Variants in GREM1 observed in about 807,000 individuals in gnomAD.
GREM1 encodes the protein gremlin 1, DAN family BMP antagonist, also known as gremlin-1.
Under a neutral mutation model 13.1 loss-of-function variants are expected in GREM1, and 6 were observed. The observed-to-expected ratio is 0.46, with a 90% CI of 0.25 to 0.91. The LOEUF is 0.91. Ranked by LOEUF, GREM1 falls within the 40% of genes least tolerant of loss-of-function variation. GREM1 has a pLI of 0.18. For synonymous variants in GREM1, 98 were observed against 93.7 expected, an observed-to-expected ratio of 1.05 and a Z score of -0.27; for missense variants, 185 against 233.9, an observed-to-expected ratio of 0.79 and a Z score of 1.36.
At chr15:32,718,802 G>A in intron 1 of GREM1, 1 of 287,852 alleles carries the variant, frequency 3.5e-6, no homozygotes, top group African/African-American at 2.2e-5. Flanking sequence ...CGCGGCCCTG[G>A]CCGCGGGGTC....
chr15:32,730,083 A>G (rs1301255279), intron 1 of GREM1, among the ~76,000 whole-genome samples: 1 of 152,224 alleles, frequency 6.6e-6, no homozygotes, highest in Non-Finnish European at 1.5e-5. Context: ...TTACTGAGAG[A>G]CAAAGTGACA....
In GREM1 at chr15:32,731,368, G is replaced by C. The variant is rs775560885; in HGVS notation, c.*123G>C. On this transcript the variant is annotated 3_prime_UTR_variant, in exon 2 of 2. Transcript: ENST00000651154. ...CAGAAGAACCCCCAGCTGCCTCCTGGCAGGAGCCTGCTTGTGCGTAGTTCG... is the reference window on the plus strand; with the variant it reads ...CAGAAGAACCCCCAGCTGCCTCCTGCCAGGAGCCTGCTTGTGCGTAGTTCG... 1.1e-5 allele frequency: 8 copies of C among 717,602 alleles called. No individual in the cohort carries two copies. Among genetic ancestry groups the C allele is most frequent in the African/African-American group, 1.8e-5 (1 of 55,868 alleles). The allele number at this position is 717,602 out of a possible 1,614,324, so 44.5% of individuals were successfully genotyped here. A position where few individuals can be genotyped will look rare whatever the true frequency, so the allele number is the denominator to read the frequency against.
In GREM1 at chr15:32,732,973, T is replaced by C. The variant is rs1418428036; in HGVS notation, c.*1728T>C. ...TCAGTTGCCGATCAAGGCTCTGGCA[T>C]TCAGAGAACCCTTGCAACTCGAGAA... is the stretch of plus-strand genomic sequence containing the variant. On this transcript the variant is annotated 3_prime_UTR_variant, in exon 2 of 2. Coordinates refer to ENST00000651154, the MANE Select transcript of GREM1 (RefSeq NM_013372.7). 4.5e-6 allele frequency: 1 copy of C among 224,488 alleles called. No homozygotes were observed. Among genetic ancestry groups the C allele is most frequent in the Non-Finnish European group, 9.7e-6 (1 of 103,256 alleles). 13.9% of individuals were successfully genotyped at this position (224,488 alleles called of 1,614,324 possible).
chr15:32,723,972 G>A (rs1453476049), intron 1 of GREM1, among the ~76,000 whole-genome samples: 1 of 152,184 alleles, frequency 6.6e-6, no homozygotes, highest in East Asian at 1.9e-4. Context: ...TCTGCTCATG[G>A]GCACTGGTGA....
chr15:32,725,480 GTTGT>G (rs1445173100), intron 1 of GREM1, among the ~76,000 whole-genome samples: 1 of 152,170 alleles, frequency 6.6e-6, no homozygotes, highest in African/African-American at 2.4e-5. Flanking sequence ...TTTTGATGGG[GTTGT>G]TTGCTTTTTT....
chr15:32,718,501 G>C, intron 1 of GREM1: 1 of 460,818 alleles, frequency 2.2e-6, no homozygotes, highest in Non-Finnish European at 4.4e-6. Context: ...CCCGCTTAGC[G>C]AGGGCGCGAA....
intron 1 of GREM1, among the ~76,000 whole-genome samples, chr15:32,730,026 G>A (rs745826847): frequency 3.3e-5 from 5 of 152,206 alleles, no homozygotes; most frequent in South Asian, 2.1e-4. Context: ...TCTGAACAGC[G>A]TACCTGGGGA....
rs778476342 is a variant in GREM1, at chr15:32,727,205, A to G, written c.-1-3485A>G. Among the ~76,000 whole-genome samples, 5 of 71,532 alleles carry G rather than the reference A, an allele frequency of 7.0e-5. No individual in the cohort carries two copies. The East Asian group carries it at 9.9e-4, about 14-fold the overall frequency. The allele number at this position is 71,532 out of a possible 152,430, so 46.9% of individuals were successfully genotyped here. ...CCAAAACCTGGCAGAGACACAACAT[A>G]AAAAAGGAAATTCAGGCCAATATCC... On this transcript the variant is annotated intron_variant, in intron 1 of 1. Transcript: ENST00000651154.
chr15:32,731,125 G>A lies in GREM1; in HGVS notation c.435G>A (p.Lys145=), dbSNP rs763654384. Reference sequence around the variant, plus strand: ...CCTTTCAGTCCTGCTCCTTCTGCAAGCCCAAGAAATTCACTACCATGATGG... The same window carrying A: ...CCTTTCAGTCCTGCTCCTTCTGCAAACCCAAGAAATTCACTACCATGATGG... The part of the protein sequence containing the change: ...EGSFQSCSFC[K]PKKFTTMMVT... The change falls in exon 2 of 2, where the codon AAG becomes AAA. Residue 145 remains lysine, a synonymous_variant. Coordinates refer to ENST00000651154, the MANE Select transcript of GREM1 (RefSeq NM_013372.7). 4 of 1,614,124 alleles carry A rather than the reference G, an allele frequency of 2.5e-6. No homozygotes were observed. In the Admixed American group the frequency reaches 5.0e-5, roughly 20 times the overall value.
intron 1 of GREM1, among the ~76,000 whole-genome samples, chr15:32,725,999 T>A (rs2055496188): frequency 6.6e-6 from 1 of 152,192 alleles, no homozygotes; most frequent in Admixed American, 6.5e-5. Context: ...GGTCTGTATA[T>A]CTGCTTTGAT....
intron 1 of GREM1, among the ~76,000 whole-genome samples, chr15:32,727,123 A>T (rs915712532): frequency 5.9e-5 from 9 of 152,222 alleles, no homozygotes; most frequent in Admixed American, 2.0e-4. Flanking sequence ...ATTCCAAACA[A>T]TAGAAAAAGA....
chr15:32,738,125 A>AAAAAAAAAAAAAAAACAAACAAACAAAC lies in GREM1; in HGVS notation c.*6888_*6889insAAAAAAACAAACAAACAAACAAAAAAAA. ...AAAAAAAAAAAAAAAAAAAAAAAAA[A>AAAAAAAAAAAAAAAACAAACAAACAAAC]AAAAAAAAGAAAAGAAAAAAGTCAT... On this transcript the variant is annotated 3_prime_UTR_variant, in exon 2 of 2. Transcript: ENST00000651154. 3.6e-5 allele frequency: 1 copy of AAAAAAAAAAAAAAAACAAACAAACAAAC among 27,986 alleles called. No individual in the cohort carries two copies. The highest frequency in any genetic ancestry group is 1.5e-4 in the African/African-American group (1 of 6,600). The allele number at this position is 27,986 out of a possible 1,614,324, so 1.7% of individuals were successfully genotyped here.
In GREM1 at chr15:32,737,166, T is replaced by A. The variant is rs1445712566; in HGVS notation, c.*5921T>A. The A allele has an allele frequency of 6.6e-6, 1 of 152,212 alleles. No homozygotes were observed. Among genetic ancestry groups the A allele is most frequent in the Non-Finnish European group, 1.5e-5 (1 of 68,046 alleles). The allele number at this position is 152,212 out of a possible 1,614,324, so 9.4% of individuals were successfully genotyped here. ...CCAGAAAGAAAAGCCCAATTTAGGATGTCTTAACTGATTAATGTTAGCAAA... is the reference window on the plus strand; with the variant it reads ...CCAGAAAGAAAAGCCCAATTTAGGAAGTCTTAACTGATTAATGTTAGCAAA... On this transcript the variant is annotated 3_prime_UTR_variant, in exon 2 of 2. Coordinates refer to ENST00000651154, the MANE Select transcript of GREM1 (RefSeq NM_013372.7).
Position 32,740,302 on chromosome 15 carries a change from C to T in GREM1, c.*9057C>T, listed in dbSNP as rs370456057. On this transcript the variant is annotated 3_prime_UTR_variant, in exon 2 of 2. Transcript: ENST00000651154. ...TAATGAAATAAACTTATGTGATTTA[C>T]CTGACAGAGAATTCAGAATAGCTCT... 3.3e-5 allele frequency: 5 copies of T among 152,262 alleles called. No homozygotes were observed. The highest frequency in any genetic ancestry group is 4.2e-4 in the South Asian group (2 of 4,818). 9.4% of individuals were successfully genotyped at this position (152,262 alleles called of 1,614,324 possible). A position where few individuals can be genotyped will look rare whatever the true frequency, so the allele number is the denominator to read the frequency against.
rs1472686285 is a variant in GREM1 at position 32,734,502 on chromosome 15, T to C, written c.*3257T>C. On this transcript the variant is annotated 3_prime_UTR_variant, in exon 2 of 2. Transcript: ENST00000651154. ...AAACGGCAAAGAATTATATAGACTATGAGGTACCTTGCTGTGTAGGAGGAT... is the reference window on the plus strand; with the variant it reads ...AAACGGCAAAGAATTATATAGACTACGAGGTACCTTGCTGTGTAGGAGGAT... The C allele has an allele frequency of 4.1e-6, 1 of 246,526 alleles. No homozygotes were observed. Among genetic ancestry groups the C allele is most frequent in the Non-Finnish European group, 8.5e-6 (1 of 117,284 alleles). 15.3% of individuals were successfully genotyped at this position (246,526 alleles called of 1,614,324 possible).
chr15:32,722,198 A>G (rs2055419818), intron 1 of GREM1, among the ~76,000 whole-genome samples: 2 of 152,244 alleles, frequency 1.3e-5, no homozygotes, highest in African/African-American at 2.4e-5. Context: ...AAAATAAGCT[A>G]TAGTTTTCCC....
At chr15:32,719,300 TG>T (rs2055363278) in intron 1 of GREM1, among the ~76,000 whole-genome samples, 1 of 152,202 alleles carries the variant, frequency 6.6e-6, no homozygotes, top group South Asian at 2.1e-4. Context: ...AGCTCCTCCT[TG>T]GGGGTGCCCC....
At chr15:32,726,558 C>T (rs938522331) in intron 1 of GREM1, among the ~76,000 whole-genome samples, 24 of 151,970 alleles carry the variant, frequency 1.6e-4, no homozygotes, top group African/African-American at 4.3e-4. Flanking sequence ...GATCTAAAAT[C>T]GACACCCTAA....
rs1260034128 is a variant in GREM1, at chr15:32,731,470, C to G, written c.*225C>G. On this transcript the variant is annotated 3_prime_UTR_variant, in exon 2 of 2. Transcript: ENST00000651154. ...ACACAGTCTCTGCTAGAGAGCACTC[C>G]CTATTTTGTAAACATATCTGCTTTA... The G allele has an allele frequency of 1.7e-5, 10 of 580,204 alleles. No individual in the cohort carries two copies. The highest frequency in any genetic ancestry group is 2.5e-5 in the Non-Finnish European group (8 of 320,404). The allele number at this position is 580,204 out of a possible 1,614,324, so 35.9% of individuals were successfully genotyped here.
Sources: gnomAD v4.1 joint callset for allele counts (sites outside exome capture counted in the v4.1 genomes callset) on GRCh38, gnomAD v4.1.1 for gene constraint, MANE v1.5 for transcripts, NCBI Gene and HGNC (gene_info 2026-07-23, HGNC 2026-07-21) for gene names.